EML5: variants seen among roughly 807,000 people sequenced by gnomAD.
The protein encoded by EML5 is EMAP like 5, also known as echinoderm microtubule-associated protein-like 5.
Under a neutral mutation model 250.0 loss-of-function variants are expected in EML5, and 120 were observed. The observed-to-expected ratio is 0.48, with a 90% CI of 0.41 to 0.56. The LOEUF is 0.56. EML5 is among the 20% of genes least tolerant of loss of function. EML5 has a pLI of 0.00. For synonymous variants in EML5, 771 were observed against 806.5 expected, an observed-to-expected ratio of 0.96 and a Z score of 0.75; for missense variants, 2,006 against 2,437.6, an observed-to-expected ratio of 0.82 and a Z score of 3.73.
At chr14:88,775,295 A>G (rs1259689375) in intron 1 of EML5, among the ~76,000 whole-genome samples, 9 of 151,856 alleles carry the variant, frequency 5.9e-5, no homozygotes, top group Admixed American at 5.2e-4. Flanking sequence ...GGGTGGGTAG[A>G]TCACCAAGTG....
intron 21 of EML5, among the ~76,000 whole-genome samples, chr14:88,678,388 G>A (rs76290342): frequency 7.6e-4 from 115 of 152,104 alleles, no homozygotes; most frequent in African/African-American, 2.6e-3. Context: ...CATGGCACAC[G>A]TTTCCCTATG....
intron 30 of EML5, among the ~76,000 whole-genome samples, chr14:88,643,385 C>A (rs2091173725): frequency 6.6e-6 from 1 of 151,576 alleles, no homozygotes; most frequent in African/African-American, 2.4e-5. Flanking sequence ...GGGAAAAAAA[C>A]AATAAAAAAT....
At chr14:88,640,822 TAAC>T (rs967484732) in intron 31 of EML5, among the ~76,000 whole-genome samples, 2 of 151,232 alleles carry the variant, frequency 1.3e-5, no homozygotes, top group African/African-American at 4.9e-5. Flanking sequence ...GTAGTTAGCT[TAAC>T]AAAAAAAAGA....
intron 22 of EML5, 59 bp from the exon 23 acceptor site, chr14:88,664,683 C>T (rs934935476): frequency 8.5e-6 from 13 of 1,524,414 alleles, no homozygotes; most frequent in African/African-American, 5.6e-5. Context: ...TTTTTACACT[C>T]TGCAACTAGA....
At position 88,695,472 on chromosome 14, in the gene EML5, G is replaced by A. The variant is rs1186307227; in HGVS notation, c.2345-18C>T. 1 of 1,600,580 alleles carries A rather than the reference G, an allele frequency of 6.2e-7. No homozygotes were observed. Reference sequence around the variant, plus strand: ...CCCATCCGCTGTGGAAAATTAATGAGAGAGATAAACTGACTATTAACATTC... The same window carrying A: ...CCCATCCGCTGTGGAAAATTAATGAAAGAGATAAACTGACTATTAACATTC... On this transcript the variant is annotated intron_variant, in intron 15 of 43. Transcript: ENST00000554922.
intron 25 of EML5, among the ~76,000 whole-genome samples, chr14:88,660,130 T>C (rs1444823015): frequency 6.6e-6 from 1 of 151,758 alleles, no homozygotes; most frequent in Non-Finnish European, 1.5e-5. Context: ...AATTTTTTTT[T>C]ACATTAGCCA....
chr14:88,726,460 C>T (rs2093668289), intron 8 of EML5, 81 bp downstream of exon 8: 1 of 1,218,192 alleles, frequency 8.2e-7, no homozygotes, highest in African/African-American at 1.5e-5. Flanking sequence ...ATTATATATT[C>T]TGTATCGCTG....
intron 7 of EML5, among the ~76,000 whole-genome samples, chr14:88,733,143 G>C (rs12891253): frequency 0.64 from 97,296 of 152,124 alleles, 33,131 homozygotes; most frequent in East Asian, 0.94. Flanking sequence ...GGTCTCCACT[G>C]CCACACAAAT....
rs747235310 is a variant in EML5, at chr14:88,621,258, A to G, written c.5057T>C (p.Val1686Ala). Residue 1686 changes from valine (V) to alanine (A), a missense_variant, in exon 38 of 44, where the codon GTT becomes GCT. By Grantham distance (64) the Val-to-Ala change is moderately conservative. Transcript: ENST00000554922. ...ATTACAAGCTGCATTTTTCTCTCCA[A>G]CTTCGATTATTTCAGCATTCCTTGT... is the stretch of plus-strand genomic sequence containing the variant. ...VGTRNAEIIE[V>A]GEKNAACNIL... The G allele has an allele frequency of 2.5e-6, 4 of 1,613,910 alleles. No homozygotes were observed. In the Middle Eastern group the frequency reaches 4.9e-4, roughly 200 times the overall value.
At chr14:88,638,686 A>G (rs770456172) in intron 32 of EML5, 123 bp downstream of exon 32, 1 of 793,778 alleles carries the variant, frequency 1.3e-6, no homozygotes, top group South Asian at 1.7e-5. Flanking sequence ...GTAGGGCTTT[A>G]TGTATACATA....
intron 35 of EML5, 137 bp from the exon 36 acceptor site, chr14:88,625,264 G>T: frequency 1.0e-6 from 1 of 988,884 alleles, no homozygotes; most frequent in Non-Finnish European, 1.4e-6. Context: ...CAGCAGCACT[G>T]AATTCACGAG....
intron 33 of EML5, among the ~76,000 whole-genome samples, chr14:88,629,613 C>T (rs2090314334): frequency 6.6e-6 from 1 of 152,144 alleles, no homozygotes; most frequent in African/African-American, 2.4e-5. Context: ...ACAATTCTTC[C>T]TCCACCTGTT....
rs1257060745 is a variant in EML5, at chr14:88,614,954, AAACAAATGT to A, written c.*855_*863del. ...AATTTAACACTTTTGTTTACATGTT[AAACAAATGT>A]GTATATATTAGACTACATTAAATAT... is the stretch of plus-strand genomic sequence containing the variant. On this transcript the variant is annotated 3_prime_UTR_variant, in exon 44 of 44. Coordinates refer to ENST00000554922, the MANE Select transcript of EML5 (RefSeq NM_183387.3). The A allele has an allele frequency of 1.3e-5, 2 of 152,226 alleles. No individual in the cohort carries two copies. Among genetic ancestry groups the A allele is most frequent in the Non-Finnish European group, 2.9e-5 (2 of 68,032 alleles). The allele number at this position is 152,226 out of a possible 1,614,324, so 9.4% of individuals were successfully genotyped here.
In EML5 at chr14:88,661,669, A is replaced by G; in HGVS notation, c.3660T>C (p.Phe1220=). ...TGDDLGFVKL[F]RYPTKGKFGK... is the part of the protein sequence containing the mutation. ...AAACACATACTTTAGTAGGATATCT[A>G]AATAACTTCACAAATCCCAAATCGT... Residue 1220 remains phenylalanine, a synonymous_variant, in exon 25 of 44, where the codon TTT becomes TTC. Coordinates refer to ENST00000554922, the MANE Select transcript of EML5 (RefSeq NM_183387.3). 2 of 1,612,622 alleles carry G rather than the reference A, an allele frequency of 1.2e-6. No homozygotes were observed. Among genetic ancestry groups the G allele is most frequent in the Non-Finnish European group, 1.7e-6 (2 of 1,179,454 alleles).
Position 88,723,700 on chromosome 14 carries a change from G to A in EML5, c.1187+2841C>T, listed in dbSNP as rs148088902. Among the ~76,000 whole-genome samples the A allele has an allele frequency of 1.3e-3, 199 of 152,256 alleles. 1 individual carries two copies. Among genetic ancestry groups the A allele is most frequent in the African/African-American group, 4.6e-3 (193 of 41,554 alleles). On this transcript the variant is annotated intron_variant, in intron 8 of 43. Coordinates refer to ENST00000554922, the MANE Select transcript of EML5 (RefSeq NM_183387.3). ...ATATGTATAACCAAAATCTCATGTTGTACGTCGTAAATATATACAGTTTTT... is the reference window on the plus strand; with the variant it reads ...ATATGTATAACCAAAATCTCATGTTATACGTCGTAAATATATACAGTTTTT...
chr14:88,689,552 T>G lies in EML5; in HGVS notation c.2540-1079A>C, dbSNP rs189309851. Among the ~76,000 whole-genome samples the G allele has an allele frequency of 3.7e-3, 568 of 152,190 alleles. 3 individuals carry two copies. The highest frequency in any genetic ancestry group is 5.6e-3 in the Non-Finnish European group (384 of 67,998). On this transcript the variant is annotated intron_variant, in intron 17 of 43. Transcript: ENST00000554922. ...TTTCCCAATTGGACTCACAAATTCC[T>G]TCCTTCCTTCCTTCCTTCATTCAAG...
chr14:88,661,227 T>A (rs1471187792), intron 25 of EML5, among the ~76,000 whole-genome samples: 2 of 152,138 alleles, frequency 1.3e-5, no homozygotes, highest in African/African-American at 4.8e-5. Context: ...TAGCTAGGAC[T>A]ACAGGCATGT....
intron 8 of EML5, among the ~76,000 whole-genome samples, chr14:88,725,698 G>C (rs1200158775): frequency 6.6e-6 from 1 of 152,200 alleles, no homozygotes; most frequent in African/African-American, 2.4e-5. Flanking sequence ...ACTGTGGAGT[G>C]AAGAAAGGTC....
chr14:88,634,272 A>C (rs2140506601), intron 33 of EML5, among the ~76,000 whole-genome samples, 197 bp downstream of exon 33: 1 of 152,196 alleles, frequency 6.6e-6, no homozygotes, highest in South Asian at 2.1e-4. Context: ...CATGATTGTA[A>C]ATTTCCTGAG....
Sources: gnomAD v4.1 joint callset for allele counts (sites outside exome capture counted in the v4.1 genomes callset) on GRCh38, gnomAD v4.1.1 for gene constraint, MANE v1.5 for transcripts, NCBI Gene and HGNC (gene_info 2026-07-23, HGNC 2026-07-21) for gene names.